The following PKIA variants were observed in gnomAD, a reference collection of about 807,000 sequenced individuals.
PKIA encodes the protein cAMP-dependent protein kinase inhibitor alpha, also known as PKI-alpha.
PKIA carries 4 observed loss-of-function variants against 7.6 expected under a neutral mutation model. The observed-to-expected ratio is 0.52, with a 90% CI of 0.26 to 1.20. The LOEUF is 1.20. Among genes scored for constraint, PKIA ranks in the 50% most tolerant of loss-of-function variants. The pLI, the probability that PKIA is intolerant of heterozygous loss-of-function variation, is 0.13. For missense variants in PKIA, 73 were observed against 86.2 expected (o/e 0.85, Z 0.61); for synonymous variants, 21 against 30.7 (o/e 0.68, Z 1.04).
At chr8:78,551,255 T>C (rs1269900037) in intron 1 of PKIA, among the ~76,000 whole-genome samples, 1 of 152,106 alleles carries the variant, frequency 6.6e-6, no homozygotes, top group Non-Finnish European at 1.5e-5. Context: ...GTATGAACTG[T>C]TCTAGTAAAT....
intron 1 of PKIA, among the ~76,000 whole-genome samples, chr8:78,548,857 ATATAAT>A (rs1243274311): frequency 1.3e-5 from 2 of 152,100 alleles, no homozygotes; most frequent in Non-Finnish European, 2.9e-5. Context: ...GAAATAAAAG[ATATAAT>A]TATAAAATAT....
chr8:78,562,274 A>AT, intron 1 of PKIA, among the ~76,000 whole-genome samples: 1 of 152,280 alleles, frequency 6.6e-6, no homozygotes, highest in East Asian at 1.9e-4. Flanking sequence ...TGAACTAGTC[A>AT]TTTTTTAGCT....
intron 1 of PKIA, among the ~76,000 whole-genome samples, chr8:78,557,478 A>G (rs1807168264): frequency 6.6e-6 from 1 of 152,190 alleles, no homozygotes; most frequent in East Asian, 1.9e-4. Flanking sequence ...AAGTTGTATG[A>G]GATTATCTGA....
chr8:78,521,593 T>A (rs1043883271), intron 1 of PKIA, among the ~76,000 whole-genome samples: 1 of 151,986 alleles, frequency 6.6e-6, no homozygotes, highest in Non-Finnish European at 1.5e-5. Context: ...CCAAATACCT[T>A]TTTTTGTACC....
chr8:78,519,104 G>A (rs1809368318), intron 1 of PKIA, among the ~76,000 whole-genome samples: 1 of 151,384 alleles, frequency 6.6e-6, no homozygotes, highest in Non-Finnish European at 1.5e-5. Flanking sequence ...TAAATGATTA[G>A]ATACTAAATG....
intron 1 of PKIA, among the ~76,000 whole-genome samples, chr8:78,559,233 T>G (rs13262251): frequency 0.098 from 14,842 of 152,212 alleles, 974 homozygotes; most frequent in Non-Finnish European, 0.15. Context: ...TTTATGGGTA[T>G]TTTTAAAGTT....
chr8:78,543,838 A>G (rs1196425459), intron 1 of PKIA, among the ~76,000 whole-genome samples: 3 of 152,140 alleles, frequency 2.0e-5, no homozygotes, highest in Non-Finnish European at 2.9e-5. Context: ...TGCCCATTGA[A>G]TATATCCAGA....
intron 1 of PKIA, among the ~76,000 whole-genome samples, chr8:78,546,080 A>G (rs1806814274): frequency 6.6e-6 from 1 of 152,198 alleles, no homozygotes; most frequent in East Asian, 1.9e-4. Context: ...TCTTCATACA[A>G]TGAAGGTTTC....
At chr8:78,568,428 C>A (rs1807469353) in intron 1 of PKIA, among the ~76,000 whole-genome samples, 1 of 152,264 alleles carries the variant, frequency 6.6e-6, no homozygotes, top group South Asian at 2.1e-4. Flanking sequence ...TTATAGCCAG[C>A]AGCACTTTTT....
At position 78,588,573 on chromosome 8, in the gene PKIA, G is replaced by T. The variant is rs144750342; in HGVS notation, c.-27-9785G>T. 4.7e-3 allele frequency among the ~76,000 whole-genome samples: 710 copies of T among 152,240 alleles called. 2 individuals carry two copies. The highest frequency in any genetic ancestry group is 0.016 in the African/African-American group (662 of 41,526). On this transcript the variant is annotated intron_variant, in intron 2 of 3. Transcript: ENST00000396418. ...GACTATTGTGAAAAGACTATTGCAA[G>T]AGTGAATAATTATTTGGTGAATAAT...
intron 1 of PKIA, among the ~76,000 whole-genome samples, chr8:78,529,739 A>G (rs929330965): frequency 3.3e-5 from 5 of 152,136 alleles, no homozygotes; most frequent in South Asian, 2.1e-4. Flanking sequence ...AGAAAATAAC[A>G]TATAATTTTT....
At chr8:78,533,143 G>T (rs1004260765) in intron 1 of PKIA, among the ~76,000 whole-genome samples, 2 of 151,988 alleles carry the variant, frequency 1.3e-5, no homozygotes, top group Non-Finnish European at 2.9e-5. Context: ...GGTTTCATTT[G>T]GAGCCCAGAA....
intron 1 of PKIA, chr8:78,535,212 G>T (rs1806492357): frequency 1.3e-5 from 2 of 152,130 alleles, no homozygotes; most frequent in African/African-American, 4.8e-5. Flanking sequence ...ATGTAAGATT[G>T]ATTTCTGCTA....
At chr8:78,562,636 A>G (rs1041952525) in intron 1 of PKIA, among the ~76,000 whole-genome samples, 2 of 152,004 alleles carry the variant, frequency 1.3e-5, no homozygotes, top group African/African-American at 4.8e-5. Context: ...GTTTCCCTCT[A>G]ATCATTTCAG....
intron 1 of PKIA, among the ~76,000 whole-genome samples, chr8:78,567,387 CTT>C (rs1807440674): frequency 6.6e-6 from 1 of 151,868 alleles, no homozygotes. Flanking sequence ...TCATACTTTC[CTT>C]ATTTTTGAAG....
intron 1 of PKIA, among the ~76,000 whole-genome samples, chr8:78,549,731 A>G (rs991745836): frequency 6.6e-6 from 1 of 151,532 alleles, no homozygotes; most frequent in African/African-American, 2.4e-5. Context: ...AATACCAAAA[A>G]AAAAAAAAAA....
chr8:78,578,511 C>A (rs1214812417), intron 2 of PKIA, among the ~76,000 whole-genome samples: 2 of 149,072 alleles, frequency 1.3e-5, no homozygotes, highest in African/African-American at 5.0e-5. Flanking sequence ...TATGCTGTTA[C>A]AATCAATCAC....
intron 3 of PKIA, among the ~76,000 whole-genome samples, chr8:78,598,911 T>TA (rs1164566042): frequency 4.6e-5 from 7 of 152,138 alleles, no homozygotes; most frequent in Admixed American, 3.9e-4. Flanking sequence ...ACTAGGTAGA[T>TA]ATTTAACAAG....
chr8:78,585,436 G>GTAT (rs1807927702), intron 2 of PKIA, among the ~76,000 whole-genome samples: 2 of 152,060 alleles, frequency 1.3e-5, no homozygotes, highest in Non-Finnish European at 2.9e-5. Context: ...GAGAAGAAGA[G>GTAT]TATTACACAT....
Sources: gnomAD v4.1 joint callset for allele counts (sites outside exome capture counted in the v4.1 genomes callset) on GRCh38, gnomAD v4.1.1 for gene constraint, MANE v1.5 for transcripts, NCBI Gene and HGNC (gene_info 2026-07-23, HGNC 2026-07-21) for gene names.